Variants in CAMK2D observed in about 807,000 individuals in gnomAD.
The protein encoded by CAMK2D is calcium/calmodulin-dependent protein kinase type II subunit delta.
CAMK2D carries 37 observed loss-of-function variants against 84.0 expected under a neutral mutation model. The observed-to-expected ratio is 0.44, with a 90% confidence interval of 0.34 to 0.58. The LOEUF (loss-of-function observed/expected upper bound fraction) is 0.58. Among genes scored for constraint, CAMK2D ranks in the 20% least tolerant of loss-of-function variants. CAMK2D has a pLI of 0.02. For synonymous variants in CAMK2D, 202 were observed against 212.5 expected, an observed-to-expected ratio of 0.95 and a Z score of 0.43; for missense variants, 448 against 652.5, an observed-to-expected ratio of 0.69 and a Z score of 3.41.
intron 2 of CAMK2D, among the ~76,000 whole-genome samples, chr4:113,695,458 C>G (rs930280229): frequency 6.6e-6 from 1 of 152,074 alleles, no homozygotes; most frequent in Non-Finnish European, 1.5e-5. Context: ...CCAAACTTAG[C>G]TCTTGTTCCT....
chr4:113,470,418 G>A (rs1216909122), intron 16 of CAMK2D, among the ~76,000 whole-genome samples: 1 of 152,104 alleles, frequency 6.6e-6, no homozygotes, highest in African/African-American at 2.4e-5. Flanking sequence ...GGCCGAGGCG[G>A]GTGGATCACG....
intron 3 of CAMK2D, among the ~76,000 whole-genome samples, chr4:113,625,706 A>G (rs1249886758): frequency 6.6e-6 from 1 of 152,112 alleles, no homozygotes; most frequent in Non-Finnish European, 1.5e-5. Flanking sequence ...AGAGCCTTGG[A>G]GTATGCCATT....
chr4:113,714,897 T>C (rs1463775136), intron 2 of CAMK2D, among the ~76,000 whole-genome samples: 2 of 152,154 alleles, frequency 1.3e-5, no homozygotes. Flanking sequence ...TTACCTTCCC[T>C]ACATTATCAA....
At position 113,686,680 on chromosome 4, in the gene CAMK2D, G is replaced by A. The variant is rs143556573; in HGVS notation, c.161-24908C>T. Among the ~76,000 whole-genome samples, 1,461 of 152,226 alleles carry A rather than the reference G, an allele frequency of 9.6e-3. 22 individuals carry two copies. The highest frequency in any genetic ancestry group is 0.036 in the East Asian group (187 of 5,180). ...GTGAGCCACAACCCAAGCATCTGGA[G>A]TCCTACAATGCTCTCAATATATTTT... On this transcript the variant is annotated intron_variant, in intron 2 of 20. Coordinates refer to ENST00000511664, the MANE Select transcript of CAMK2D (RefSeq NM_001321571.2).
At chr4:113,678,450 T>A (rs929708200) in intron 2 of CAMK2D, among the ~76,000 whole-genome samples, 3 of 144,100 alleles carry the variant, frequency 2.1e-5, no homozygotes, top group East Asian at 4.0e-4. Flanking sequence ...ATTTTATAGT[T>A]GGTTCTGTGA....
At chr4:113,661,897 T>C (rs180680565) in intron 2 of CAMK2D, 125 bp from the exon 3 acceptor site, 36 of 593,480 alleles carry the variant, frequency 6.1e-5, no homozygotes, top group Non-Finnish European at 8.8e-5. Flanking sequence ...TTTGAAACAA[T>C]GATAATTCAA....
intron 3 of CAMK2D, among the ~76,000 whole-genome samples, chr4:113,655,369 G>A (rs2099194509): frequency 6.6e-6 from 1 of 152,020 alleles, no homozygotes; most frequent in Admixed American, 6.6e-5. Context: ...TAGAGAGGAG[G>A]TAATCATTGA....
intron 5 of CAMK2D, among the ~76,000 whole-genome samples, chr4:113,548,477 A>G (rs1324695333): frequency 6.6e-6 from 1 of 152,152 alleles, no homozygotes; most frequent in East Asian, 1.9e-4. Context: ...TATGATGTAT[A>G]TTTAGCCTGT....
chr4:113,519,530 AC>A (rs1338830281), intron 8 of CAMK2D, among the ~76,000 whole-genome samples: 4 of 152,114 alleles, frequency 2.6e-5, no homozygotes, highest in Admixed American at 6.6e-5. Flanking sequence ...TAAAAAAAAA[AC>A]ATATTATAGG....
intron 2 of CAMK2D, among the ~76,000 whole-genome samples, chr4:113,716,833 T>C (rs969089347): frequency 1.3e-5 from 2 of 152,158 alleles, no homozygotes; most frequent in African/African-American, 4.8e-5. Context: ...TATGTGTTTC[T>C]AAAACTGAAT....
At chr4:113,689,120 C>T (rs774413827) in intron 2 of CAMK2D, among the ~76,000 whole-genome samples, 1 of 151,944 alleles carries the variant, frequency 6.6e-6, no homozygotes, top group Non-Finnish European at 1.5e-5. Flanking sequence ...GTGGCAGGCA[C>T]CTGTAGTCCC....
intron 3 of CAMK2D, among the ~76,000 whole-genome samples, chr4:113,643,818 C>A (rs1298835505): frequency 1.3e-5 from 2 of 152,174 alleles, no homozygotes; most frequent in Non-Finnish European, 2.9e-5. Flanking sequence ...AGTTGTATCA[C>A]CCTCTCTGAG....
At position 113,452,310 on chromosome 4, in the gene CAMK2D, A is replaced by G. The variant is rs1159365507; in HGVS notation, c.*2235T>C. ...CCATTCTCACCAAGTGCAAATTGTT[A>G]TGTACTAAATGAGACCAGAGTAGGA... is the stretch of plus-strand genomic sequence containing the variant. On this transcript the variant is annotated 3_prime_UTR_variant, in exon 21 of 21. Transcript: ENST00000511664. The G allele has an allele frequency of 6.6e-6, 1 of 152,208 alleles. No homozygotes were observed. The highest frequency in any genetic ancestry group is 1.5e-5 in the Non-Finnish European group (1 of 68,040). The allele number at this position is 152,208 out of a possible 1,614,324, so 9.4% of individuals were successfully genotyped here.
At chr4:113,650,113 A>G (rs2099167044) in intron 3 of CAMK2D, among the ~76,000 whole-genome samples, 1 of 152,140 alleles carries the variant, frequency 6.6e-6, no homozygotes. Flanking sequence ...ACAACTTCCA[A>G]ATTATGTATA....
At chr4:113,705,982 C>T (rs1223725542) in intron 2 of CAMK2D, among the ~76,000 whole-genome samples, 2 of 152,050 alleles carry the variant, frequency 1.3e-5, no homozygotes, top group South Asian at 2.1e-4. Context: ...GAGACACGGG[C>T]GGTGTGTCTC....
chr4:113,647,413 G>C (rs1012704877), intron 3 of CAMK2D, among the ~76,000 whole-genome samples: 5 of 152,174 alleles, frequency 3.3e-5, no homozygotes, highest in African/African-American at 1.2e-4. Flanking sequence ...AAAGAAAATT[G>C]CATGGCCCCA....
In CAMK2D at chr4:113,716,248, C is replaced by CA. The variant is rs201893693; in HGVS notation, c.160+43071dup. Among the ~76,000 whole-genome samples the CA allele has an allele frequency of 6.9e-3, 1,048 of 151,622 alleles. 18 individuals carry two copies. Among genetic ancestry groups the CA allele is most frequent in the African/African-American group, 0.024 (976 of 41,390 alleles). On this transcript the variant is annotated intron_variant, in intron 2 of 20. Coordinates refer to ENST00000511664, the MANE Select transcript of CAMK2D (RefSeq NM_001321571.2). ...TGTTGGCTGTCATGACAGTATTGTA[C>CA]AAAAAAAAGACAAATGTCAAGAGCC...
intron 16 of CAMK2D, among the ~76,000 whole-genome samples, chr4:113,488,639 A>G (rs1179085276): frequency 6.6e-6 from 1 of 152,160 alleles, no homozygotes; most frequent in Non-Finnish European, 1.5e-5. Flanking sequence ...ATGCCTTTAG[A>G]GTTTATGTAG....
rs74688334 is a variant in CAMK2D at position 113,680,162 on chromosome 4, T to A, written c.161-18390A>T. ...ACATTATTTAAGTTCTTGTCATTGT[T>A]CAGATTCTATGGAAGCAGATGCTGA... On this transcript the variant is annotated intron_variant, in intron 2 of 20. Transcript: ENST00000511664. 5.0e-3 allele frequency among the ~76,000 whole-genome samples: 754 copies of A among 152,306 alleles called. 13 individuals are homozygous for A. The highest frequency in any genetic ancestry group is 0.018 in the African/African-American group (728 of 41,560).
Sources: gnomAD v4.1 joint callset for allele counts (sites outside exome capture counted in the v4.1 genomes callset) on GRCh38, gnomAD v4.1.1 for gene constraint, MANE v1.5 for transcripts, NCBI Gene and HGNC (gene_info 2026-07-23, HGNC 2026-07-21) for gene names.